NDUFA5: variants seen among roughly 807,000 people sequenced by gnomAD.
NDUFA5 encodes the protein NADH:ubiquinone oxidoreductase subunit A5, also known as NADH dehydrogenase [ubiquinone] 1 alpha subcomplex subunit 5.
Under a neutral mutation model 19.8 loss-of-function variants are expected in NDUFA5, and 11 were observed. That is an observed-to-expected ratio of 0.56 (90% CI 0.35 to 0.92). NDUFA5 has a LOEUF of 0.92. Among genes scored for constraint, NDUFA5 ranks in the 40% least tolerant of loss-of-function variants. The pLI, the probability that NDUFA5 is intolerant of heterozygous loss-of-function variation, is 0.01. For synonymous variants in NDUFA5, 47 were observed against 46.8 expected (o/e 1.00, Z -0.01); for missense variants, 109 against 134.2 (o/e 0.81, Z 0.93).
the NDUFA5 span, among the ~76,000 whole-genome samples, chr7:123,580,491 C>G: frequency 6.6e-6 from 1 of 152,016 alleles, no homozygotes; most frequent in Non-Finnish European, 1.5e-5. Context: ...ACTTAACCCC[C>G]TAAGCCTTAC....
rs762872113 is a variant in NDUFA5, at chr7:123,545,672, G to A, written c.188C>T (p.Pro63Leu). ...TTGGTCTTCTAATTTTTTAACATCT[G>A]GTTCCTATAATTTCAGGGAGAAAAA... ...NEKLAMVKAE[P>L]DVKKLEDQLQ... The change falls in exon 4 of 5, where the codon CCA becomes CTA. Residue 63 changes from proline to leucine, a missense_variant. Coordinates refer to ENST00000355749, the MANE Select transcript of NDUFA5 (RefSeq NM_005000.5). 1.2e-6 allele frequency: 2 copies of A among 1,604,994 alleles called. No individual in the cohort carries two copies. The highest frequency in any genetic ancestry group is 2.2e-5 in the South Asian group (2 of 90,422).
chr7:123,599,163 CA>C, the NDUFA5 span, among the ~76,000 whole-genome samples: 1 of 151,668 alleles, frequency 6.6e-6, no homozygotes, highest in African/African-American at 2.4e-5. Context: ...TGAAATATAC[CA>C]AAGTGAAAAT....
At chr7:123,597,717 G>C in the NDUFA5 span, among the ~76,000 whole-genome samples, 1 of 152,090 alleles carries the variant, frequency 6.6e-6, no homozygotes, top group South Asian at 2.1e-4. Context: ...TGTAATCCTA[G>C]CTACGCGGGA....
chr7:123,549,812 C>A (rs1375152454), intron 3 of NDUFA5, among the ~76,000 whole-genome samples: 1 of 152,108 alleles, frequency 6.6e-6, no homozygotes, highest in East Asian at 1.9e-4. Flanking sequence ...ATACAAACTG[C>A]ATTGTTTTGT....
chr7:123,599,971 T>G, the NDUFA5 span, among the ~76,000 whole-genome samples: 1 of 152,172 alleles, frequency 6.6e-6, no homozygotes, highest in Non-Finnish European at 1.5e-5. Flanking sequence ...AAAAGCCAGC[T>G]TTCATAGAGG....
chr7:123,587,692 TGTGTTGAGGTAC>T, the NDUFA5 span, among the ~76,000 whole-genome samples: 1 of 151,704 alleles, frequency 6.6e-6, no homozygotes, highest in African/African-American at 2.4e-5. Flanking sequence ...TGACCTTTAT[TGTGTTGAGGTAC>T]ATTCTTTCTA....
the NDUFA5 span, among the ~76,000 whole-genome samples, chr7:123,564,645 C>T: frequency 6.6e-6 from 1 of 151,824 alleles, no homozygotes; most frequent in South Asian, 2.1e-4. Context: ...TACACACATA[C>T]ACACACATAT....
chr7:123,543,334 C>G (rs1798011160), intron 4 of NDUFA5, among the ~76,000 whole-genome samples: 1 of 152,126 alleles, frequency 6.6e-6, no homozygotes, highest in Admixed American at 6.5e-5. Flanking sequence ...ATCTCAGGAA[C>G]CTGGACCCAG....
the NDUFA5 span, among the ~76,000 whole-genome samples, chr7:123,598,231 T>G: frequency 6.6e-6 from 1 of 152,180 alleles, no homozygotes; most frequent in South Asian, 2.1e-4. Context: ...GTCCTGTATC[T>G]GTATAGGGAT....
At chr7:123,565,833 A>G in the NDUFA5 span, among the ~76,000 whole-genome samples, 2 of 152,186 alleles carry the variant, frequency 1.3e-5, no homozygotes, top group Admixed American at 1.3e-4. Flanking sequence ...TCTGGCCACC[A>G]TGGTAAAACC....
At chr7:123,557,103 G>C in intron 2 of NDUFA5, 2 of 605,702 alleles carry the variant, frequency 3.3e-6, no homozygotes, top group Non-Finnish European at 6.2e-6. Flanking sequence ...GAGAAAAGAT[G>C]GAAAACGGAG....
chr7:123,597,219 G>T, the NDUFA5 span, among the ~76,000 whole-genome samples: 2 of 152,096 alleles, frequency 1.3e-5, no homozygotes, highest in South Asian at 2.1e-4. Flanking sequence ...TCACCCCTTT[G>T]TTCAGCATAT....
chr7:123,558,920 A>G (rs1417502652), upstream of NDUFA5, among the ~76,000 whole-genome samples: 1 of 152,188 alleles, frequency 6.6e-6, no homozygotes, highest in Non-Finnish European at 1.5e-5. Flanking sequence ...CATTAGAGGC[A>G]TGAGACTAGA....
At position 123,540,889 on chromosome 7, in the gene NDUFA5, T is replaced by TGCGCGC. The variant is rs142574797; in HGVS notation, c.*1229_*1230insGCGCGC. 0.072 allele frequency: 7,892 copies of TGCGCGC among 110,248 alleles called. 210 individuals carry two copies. Among genetic ancestry groups the TGCGCGC allele is most frequent in the South Asian group, 0.081 (257 of 3,172 alleles). 6.8% of individuals were successfully genotyped at this position (110,248 alleles called of 1,614,324 possible). A position where few individuals can be genotyped will look rare whatever the true frequency, so the allele number is the denominator to read the frequency against. On this transcript the variant is annotated 3_prime_UTR_variant, in exon 5 of 5. Transcript: ENST00000355749. ...TTCTGAGCAAATGTGCGCATGCGCG[T>TGCGCGC]GCACACACACACACACACACACACA...
chr7:123,537,092 C>G lies in NDUFA5; in HGVS notation c.*5027G>C, dbSNP rs1426643455. 3 of 152,132 alleles carry G rather than the reference C, an allele frequency of 2.0e-5. No homozygotes were observed. The highest frequency in any genetic ancestry group is 4.4e-5 in the Non-Finnish European group (3 of 68,022). 9.4% of individuals were successfully genotyped at this position (152,132 alleles called of 1,614,324 possible). ...AAAGTGAAAGAGTAATTTTACAATA[C>G]CATTTTCCATTTTCCTTTTCATGAT... On this transcript the variant is annotated 3_prime_UTR_variant, in exon 5 of 5. Transcript: ENST00000355749.
chr7:123,578,164 A>C, the NDUFA5 span, among the ~76,000 whole-genome samples: 2 of 149,538 alleles, frequency 1.3e-5, no homozygotes, highest in Non-Finnish European at 3.0e-5. Flanking sequence ...ATAAATTTCA[A>C]ATTATAAAAG....
the NDUFA5 span, among the ~76,000 whole-genome samples, chr7:123,583,727 AGCAT>A: frequency 1.3e-5 from 2 of 151,936 alleles, no homozygotes; most frequent in Non-Finnish European, 2.9e-5. Context: ...CTGATCCTTA[AGCAT>A]AAGAACACTG....
chr7:123,595,209 C>A, the NDUFA5 span, among the ~76,000 whole-genome samples: 2 of 152,222 alleles, frequency 1.3e-5, no homozygotes, highest in African/African-American at 4.8e-5. Flanking sequence ...TAGTCCCTAA[C>A]TTAAAGCCAT....
the NDUFA5 span, among the ~76,000 whole-genome samples, chr7:123,575,433 G>A: frequency 6.6e-6 from 1 of 151,978 alleles, no homozygotes; most frequent in Non-Finnish European, 1.5e-5. Flanking sequence ...TCCACATGAG[G>A]CAATCATACA....
Sources: allele counts gnomAD v4.1 joint callset (sites outside exome capture counted in the v4.1 genomes callset), GRCh38; gene constraint gnomAD v4.1.1; transcripts MANE v1.5; gene names NCBI Gene and HGNC (gene_info 2026-07-23, HGNC 2026-07-21).